Variants in C10orf143 observed in about 807,000 individuals in gnomAD.
The protein encoded by C10orf143 is uncharacterized protein C10orf143.
At chr10:130,081,101 T>TA (rs554605013) in intron 1 of C10orf143, among the ~76,000 whole-genome samples, 3 of 151,956 alleles carry the variant, frequency 2.0e-5, no homozygotes, top group African/African-American at 7.3e-5. Flanking sequence ...CAGATGTACT[T>TA]AAAATCAAGT....
At chr10:130,105,733 T>TC (rs112378764) in intron 1 of C10orf143, among the ~76,000 whole-genome samples, 2,767 of 148,194 alleles carry the variant, frequency 0.019, 42 homozygotes, top group African/African-American at 0.036. Flanking sequence ...TCCGTTCCCC[T>TC]CCCCCCCCAA....
At chr10:130,099,416 C>T (rs1861511585) in intron 1 of C10orf143, among the ~76,000 whole-genome samples, 1 of 152,176 alleles carries the variant, frequency 6.6e-6, no homozygotes. Context: ...TTACTAGGTT[C>T]TCACGGCAAA....
At chr10:130,057,533 A>G (rs779935858) in intron 3 of C10orf143, among the ~76,000 whole-genome samples, 1 of 152,198 alleles carries the variant, frequency 6.6e-6, no homozygotes, top group East Asian at 1.9e-4. Context: ...GAAGTTTCTA[A>G]AGGTCCTCAA....
At chr10:130,050,075 T>C (rs1042353249) in intron 3 of C10orf143, among the ~76,000 whole-genome samples, 3 of 152,176 alleles carry the variant, frequency 2.0e-5, no homozygotes, top group African/African-American at 7.2e-5. Flanking sequence ...TCATCAGCCA[T>C]AATGGAAAAA....
At chr10:130,068,611 CAAAAAAAA>C (rs71007586) in intron 3 of C10orf143, 3 of 71,074 alleles carry the variant, frequency 4.2e-5, no homozygotes, top group Non-Finnish European at 7.5e-5. Context: ...AACTCCATCT[CAAAAAAAA>C]AAAAAAAAAA....
chr10:130,106,659 AG>A, intron 1 of C10orf143: 1 of 1,239,762 alleles, frequency 8.1e-7, no homozygotes, highest in Non-Finnish European at 1.2e-6. Context: ...AAACAACTGA[AG>A]ATAGCAATAA....
intron 1 of C10orf143, among the ~76,000 whole-genome samples, chr10:130,089,206 T>C (rs1347670452): frequency 1.3e-5 from 2 of 152,148 alleles, no homozygotes; most frequent in African/African-American, 4.8e-5. Flanking sequence ...AATGAACACA[T>C]TGGACTTGTT....
chr10:130,109,852 A>G (rs950077661), intron 1 of C10orf143, among the ~76,000 whole-genome samples: 17 of 149,280 alleles, frequency 1.1e-4, no homozygotes, highest in Admixed American at 4.7e-4. Context: ...GCTCTAGAAG[A>G]AAAAAAAAAG....
chr10:130,094,208 A>G (rs913224818), intron 1 of C10orf143, among the ~76,000 whole-genome samples: 1 of 152,212 alleles, frequency 6.6e-6, no homozygotes, highest in African/African-American at 2.4e-5. Flanking sequence ...GACCAATAAC[A>G]AGTTCTGAAA....
At position 130,084,408 on chromosome 10, in the gene C10orf143, A is replaced by C. The variant is rs1861257622; in HGVS notation, c.70-4507T>G. Among the ~76,000 whole-genome samples the C allele has an allele frequency of 2.6e-5, 4 of 152,232 alleles. No individual in the cohort carries two copies. The South Asian group carries it at 8.3e-4, about 31-fold the overall frequency. The stretch of plus-strand genomic sequence containing the variant: ...AGAAATCCTGTACTCTAGCTAGTAA[A>C]TGTGTTTATTACAGGGTTAGCAATT... On this transcript the variant is annotated intron_variant, in intron 1 of 3. Transcript: ENST00000637128.
Position 130,044,381 on chromosome 10 carries a change from C to G in C10orf143, c.298-8411G>C, listed in dbSNP as rs189330941. Among the ~76,000 whole-genome samples, 244 of 152,232 alleles carry G rather than the reference C, an allele frequency of 1.6e-3. 2 individuals are homozygous for G. Among genetic ancestry groups the G allele is most frequent in the African/African-American group, 5.6e-3 (231 of 41,544 alleles). ...GTCTTGGCTGCACCCCATGACGCCT[C>G]CTCCAGCCCAGCCCAGCCTGGGCTT... On this transcript the variant is annotated intron_variant and NMD_transcript_variant, in intron 3 of 5. Transcript: ENST00000643056.
intron 3 of C10orf143, among the ~76,000 whole-genome samples, chr10:130,047,237 A>G (rs1232080246): frequency 1.3e-5 from 2 of 152,148 alleles, no homozygotes; most frequent in African/African-American, 4.8e-5. Context: ...CCTGGTGTGG[A>G]CCCCATGGGG....
intron 3 of C10orf143, among the ~76,000 whole-genome samples, chr10:130,073,322 A>G (rs1487760062): frequency 6.6e-6 from 1 of 152,182 alleles, no homozygotes; most frequent in African/African-American, 2.4e-5. Context: ...GATAAAATAA[A>G]CTTGGAGCCC....
At chr10:130,043,482 T>G (rs1860630351) in intron 3 of C10orf143, among the ~76,000 whole-genome samples, 1 of 152,148 alleles carries the variant, frequency 6.6e-6, no homozygotes, top group Non-Finnish European at 1.5e-5. Context: ...GTACTGTGCT[T>G]CTCTCTCTGG....
chr10:130,105,947 G>A lies in C10orf143; in HGVS notation c.69+4757C>T, dbSNP rs534810782. The A allele has an allele frequency of 3.1e-5, 12 of 383,788 alleles. No homozygotes were observed. In the Admixed American group the frequency reaches 4.3e-4, roughly 14 times the overall value. 23.8% of individuals were successfully genotyped at this position (383,788 alleles called of 1,614,324 possible). Reference sequence around the variant, plus strand: ...GGCTCCACAATGGTCTGCTCCGGTTGCCGGGTGCGGATTCGGGTTCCGGAC... The same window carrying A: ...GGCTCCACAATGGTCTGCTCCGGTTACCGGGTGCGGATTCGGGTTCCGGAC... On this transcript the variant is annotated intron_variant, in intron 1 of 3. Coordinates refer to ENST00000637128, the MANE Select transcript of C10orf143 (RefSeq NM_001355042.2).
intron 3 of C10orf143, among the ~76,000 whole-genome samples, chr10:130,040,951 G>A (rs1017555883): frequency 7.2e-5 from 11 of 152,152 alleles, no homozygotes; most frequent in Non-Finnish European, 1.0e-4. Context: ...GAGCACTCCC[G>A]GGCATGAACC....
At chr10:130,046,888 A>C (rs1860681655) in intron 3 of C10orf143, among the ~76,000 whole-genome samples, 2 of 152,232 alleles carry the variant, frequency 1.3e-5, no homozygotes. Context: ...GGGGTGACAG[A>C]GTGGGGAAGT....
chr10:130,046,276 A>G (rs758629040), intron 3 of C10orf143, among the ~76,000 whole-genome samples: 4 of 152,004 alleles, frequency 2.6e-5, no homozygotes, highest in Non-Finnish European at 4.4e-5. Context: ...GGGCACGGCA[A>G]TGGGTGGCGC....
chr10:130,046,486 C>A lies in C10orf143; in HGVS notation c.298-10516G>T, dbSNP rs1312714467. 2.6e-5 allele frequency among the ~76,000 whole-genome samples: 4 copies of A among 152,202 alleles called. No homozygotes were observed. The East Asian group carries it at 7.7e-4, about 29-fold the overall frequency. On this transcript the variant is annotated intron_variant and NMD_transcript_variant, in intron 3 of 5. Transcript: ENST00000643056. ...ACCACCTACAGACGAGACAATGCTG[C>A]CGTAAGAGTCTCGGGGTTACTGCAG...
Sources: gnomAD v4.1 joint callset for allele counts (sites outside exome capture counted in the v4.1 genomes callset) on GRCh38, gnomAD v4.1.1 for gene constraint, MANE v1.5 for transcripts, NCBI Gene and HGNC (gene_info 2026-07-23, HGNC 2026-07-21) for gene names.